The following STAR variants were observed in gnomAD, a reference collection of about 807,000 sequenced individuals.
The protein encoded by STAR is steroidogenic acute regulatory protein, also known as steroidogenic acute regulatory protein, mitochondrial.
In STAR, 32 loss-of-function variants were observed where a neutral mutation model predicts 32.3. That is an observed-to-expected ratio of 0.99 (90% CI 0.75 to 1.33). STAR has a LOEUF of 1.33. Ranked by LOEUF, STAR falls within the 40% of genes most tolerant of loss-of-function variation. STAR has a pLI of 0.00. For missense variants in STAR, 375 were observed against 379.0 expected (o/e 0.99, Z 0.09); for synonymous variants, 134 against 140.5 (o/e 0.95, Z 0.33).
At chr8:38,149,933 C>T (rs891107698) in intron 1 of STAR, among the ~76,000 whole-genome samples, 1 of 152,104 alleles carries the variant, frequency 6.6e-6, no homozygotes, top group Non-Finnish European at 1.5e-5. Flanking sequence ...CCAGTCTGGT[C>T]GACGTGGCGA....
chr8:38,142,771 T>G lies in STAR; in HGVS notation c.*1502A>C, dbSNP rs1802489895. Among the ~76,000 whole-genome samples, 1 of 152,076 alleles carries G rather than the reference T, an allele frequency of 6.6e-6. No homozygotes were observed. Among genetic ancestry groups the G allele is most frequent in the African/African-American group, 2.4e-5 (1 of 41,416 alleles). On this transcript the variant is annotated 3_prime_UTR_variant, in exon 7 of 7. Coordinates refer to ENST00000276449, the MANE Select transcript of STAR (RefSeq NM_000349.3). Reference sequence around the variant, plus strand: ...TCCTGCCCTCAGGTGATTGCCTGCCTTGGCCTCCCAAAGTGCTGAGATTAC... The same window carrying G: ...TCCTGCCCTCAGGTGATTGCCTGCCGTGGCCTCCCAAAGTGCTGAGATTAC...
chr8:38,148,460 C>A (rs2070348), intron 2 of STAR, 133 bp from the exon 3 acceptor site: 2 of 1,486,322 alleles, frequency 1.3e-6, no homozygotes, highest in African/African-American at 2.8e-5. Context: ...GCCTGCTGGT[C>A]GAGTTAATCA....
Position 38,148,717 on chromosome 8 carries a change from C to T in STAR, c.102G>A (p.Glu34=), listed in dbSNP as rs150157693. Residue 34 remains glutamate (E), a synonymous_variant, in exon 2 of 7, where the codon GAG becomes GAA. Coordinates refer to ENST00000276449, the MANE Select transcript of STAR (RefSeq NM_000349.3). ...RQQAVMAISQ[E]LNRRALGGPT... is the part of the protein sequence containing the mutation. ...GGCCCCCCAGGGCCCTCCGGTTCAG[C>T]TCCTGGCTGATGGCCATCACAGCCT... 6 of 1,613,916 alleles carry T rather than the reference C, an allele frequency of 3.7e-6. No homozygotes were observed. The African/African-American group carries it at 8.0e-5, about 22-fold the overall frequency.
At chr8:38,146,610 T>C (rs1336639104) in intron 3 of STAR, among the ~76,000 whole-genome samples, 163 bp from the exon 4 acceptor site, 1 of 152,030 alleles carries the variant, frequency 6.6e-6, no homozygotes, top group Non-Finnish European at 1.5e-5. Context: ...ACCCCGTCTC[T>C]ACTAAAACTA....
chr8:38,149,896 A>G (rs745585396), intron 1 of STAR, among the ~76,000 whole-genome samples: 1 of 152,120 alleles, frequency 6.6e-6, no homozygotes, highest in Non-Finnish European at 1.5e-5. Context: ...TTTGGGAGGC[A>G]GATCACCTGA....
intron 1 of STAR, 129 bp from the exon 2 acceptor site, chr8:38,148,883 A>C (rs1802623680): frequency 2.7e-6 from 2 of 750,548 alleles, no homozygotes; most frequent in Admixed American, 4.1e-5. Context: ...AGGAGCACAC[A>C]GGATTCTAGC....
intron 1 of STAR, among the ~76,000 whole-genome samples, chr8:38,149,270 A>G (rs1802628851): frequency 6.6e-6 from 1 of 152,146 alleles, no homozygotes. Context: ...AGCCCTGTCC[A>G]TCTAGTGAGG....
At chr8:38,149,508 G>A (rs930681898) in intron 1 of STAR, among the ~76,000 whole-genome samples, 3 of 152,028 alleles carry the variant, frequency 2.0e-5, no homozygotes, top group East Asian at 1.9e-4. Flanking sequence ...TCAGTCTTCC[G>A]TCTTATCTCT....
chr8:38,144,416 TC>T, intron 6 of STAR, 30 bp from the exon 7 acceptor site: 1 of 1,561,926 alleles, frequency 6.4e-7, no homozygotes, highest in Non-Finnish European at 8.7e-7. Flanking sequence ...AATTTGGCCA[TC>T]TTGTGGGTTT....
Position 38,146,031 on chromosome 8 carries a change from G to A in STAR, c.582C>T (p.Gly194=), listed in dbSNP as rs1802564636. 1 of 1,614,252 alleles carries A rather than the reference G, an allele frequency of 6.2e-7. No homozygotes were observed. The change falls in exon 5 of 7, where the codon GGC becomes GGT. Residue 194 remains glycine, a synonymous_variant. Transcript: ENST00000276449. ...CCATGCCAGCCAGCACACAGGTGGA[G>A]CCTCGGCGCTTGGCACAGCGCACGC... is the stretch of plus-strand genomic sequence containing the variant. ...FVSVRCAKRR[G]STCVLAGMAT... is the part of the protein sequence containing the mutation.
At position 38,144,255 on chromosome 8, in the gene STAR, G is replaced by A. The variant is rs1194144094; in HGVS notation, c.*18C>T. 2 of 1,599,524 alleles carry A rather than the reference G, an allele frequency of 1.3e-6. No homozygotes were observed. The highest frequency in any genetic ancestry group is 1.7e-6 in the Non-Finnish European group (2 of 1,173,420). ...GTACCAGTGCAGCTGGGCACAGTTGGGAACAGCAGGCTGGTCTTCAACACC... is the reference window on the plus strand; with the variant it reads ...GTACCAGTGCAGCTGGGCACAGTTGAGAACAGCAGGCTGGTCTTCAACACC... On this transcript the variant is annotated 3_prime_UTR_variant, in exon 7 of 7. Coordinates refer to ENST00000276449, the MANE Select transcript of STAR (RefSeq NM_000349.3).
chr8:38,145,852 G>T, intron 5 of STAR, 111 bp downstream of exon 5: 1 of 1,342,592 alleles, frequency 7.4e-7, no homozygotes. Flanking sequence ...GGAAGCCATG[G>T]GTGCACCAAG....
intron 3 of STAR, 53 bp from the exon 4 acceptor site, chr8:38,146,500 G>A (rs566081657): frequency 7.6e-5 from 121 of 1,591,230 alleles, no homozygotes; most frequent in South Asian, 7.6e-4. Flanking sequence ...ATTCTTGGCC[G>A]GGCATGGTGG....
Position 38,149,826 on chromosome 8 carries a change from G to A in STAR, c.64+929C>T, listed in dbSNP as rs532136854. ...TGCACTCCAGCCTAGGCAACAGAGC[G>A]AGACTGCCTCAAAAATAAAATAGGC... On this transcript the variant is annotated intron_variant, in intron 1 of 6. Transcript: ENST00000276449. Among the ~76,000 whole-genome samples, 90 of 152,220 alleles carry A rather than the reference G, an allele frequency of 5.9e-4. 1 individual carries two copies. Among genetic ancestry groups the A allele is most frequent in the Non-Finnish European group, 1.1e-3 (77 of 68,014 alleles).
chr8:38,147,573 C>CT (rs1320243022), intron 3 of STAR, among the ~76,000 whole-genome samples: 1 of 152,228 alleles, frequency 6.6e-6, no homozygotes, highest in African/African-American at 2.4e-5. Context: ...AACTAGTAGT[C>CT]TGTTAACTCC....
chr8:38,144,096 T>C lies in STAR; in HGVS notation c.*177A>G, dbSNP rs1400576042. 1.5e-6 allele frequency: 1 copy of C among 675,240 alleles called. No individual in the cohort carries two copies. Among genetic ancestry groups the C allele is most frequent in the Non-Finnish European group, 2.7e-6 (1 of 374,934 alleles). 41.8% of individuals were successfully genotyped at this position (675,240 alleles called of 1,614,324 possible). On this transcript the variant is annotated 3_prime_UTR_variant, in exon 7 of 7. Coordinates refer to ENST00000276449, the MANE Select transcript of STAR (RefSeq NM_000349.3). Reference sequence around the variant, plus strand: ...TAATCCAAGAGCCTCATCCCTGTTTTCTTGGTACTAAAAACTTTCACCAAT... The same window carrying C: ...TAATCCAAGAGCCTCATCCCTGTTTCCTTGGTACTAAAAACTTTCACCAAT...
rs114586191 is a variant in STAR at position 38,147,129 on chromosome 8, A to G, written c.307-682T>C. ...CGGCCTCCCAAGTAGCTGAGACTAC[A>G]GGCAAGCAGCATTACACCTAGCTAA... On this transcript the variant is annotated intron_variant, in intron 3 of 6. Transcript: ENST00000276449. 5.9e-3 allele frequency among the ~76,000 whole-genome samples: 902 copies of G among 152,136 alleles called. 9 individuals carry two copies. The highest frequency in any genetic ancestry group is 0.021 in the African/African-American group (859 of 41,508).
At position 38,150,744 on chromosome 8, in the gene STAR, G is replaced by T; in HGVS notation, c.64+11C>A. The T allele has an allele frequency of 1.9e-6, 3 of 1,606,196 alleles. No homozygotes were observed. Among genetic ancestry groups the T allele is most frequent in the Non-Finnish European group, 2.5e-6 (3 of 1,179,946 alleles). On this transcript the variant is annotated intron_variant, in intron 1 of 6. Transcript: ENST00000276449. The stretch of plus-strand genomic sequence containing the variant: ...GCCAACCCCTCATCGCCTCCTTCCC[G>T]CAGCGCTCACCCTTCATGTTGCGCA...
chr8:38,145,533 C>T, intron 5 of STAR: 1 of 636,978 alleles, frequency 1.6e-6, no homozygotes, highest in Non-Finnish European at 2.7e-6. Context: ...CCCCTGCGGC[C>T]TCTTGTGCCC....
Sources: gnomAD v4.1 joint callset for allele counts (sites outside exome capture counted in the v4.1 genomes callset) on GRCh38, gnomAD v4.1.1 for gene constraint, MANE v1.5 for transcripts, NCBI Gene and HGNC (gene_info 2026-07-23, HGNC 2026-07-21) for gene names.